NCALD: variants seen among roughly 807,000 people sequenced by gnomAD.
The protein encoded by NCALD is neurocalcin-delta.
In NCALD, 10 loss-of-function variants were observed where a neutral mutation model predicts 18.6. The observed-to-expected ratio is 0.54, with a 90% CI of 0.33 to 0.91. The LOEUF (loss-of-function observed/expected upper bound fraction) is 0.91, where lower values mean the gene tolerates loss of function less well. NCALD is among the 40% of genes least tolerant of loss of function. The pLI is 0.03. For synonymous variants in NCALD, 88 were observed against 87.4 expected (o/e 1.01, Z -0.04); for missense variants, 184 against 247.6 (o/e 0.74, Z 1.72).
chr8:102,014,979 C>T (rs1822031616), intron 2 of NCALD, among the ~76,000 whole-genome samples: 1 of 152,190 alleles, frequency 6.6e-6, no homozygotes, highest in Non-Finnish European at 1.5e-5. Flanking sequence ...GCCCCTGGAC[C>T]ACCCTTTGAA....
chr8:101,949,259 G>A (rs1242828218), intron 2 of NCALD, among the ~76,000 whole-genome samples: 2 of 152,056 alleles, frequency 1.3e-5, no homozygotes, highest in South Asian at 2.1e-4. Context: ...AAGAGATCAA[G>A]AAAACTACCC....
At chr8:102,072,983 T>C (rs1340407940) in intron 1 of NCALD, among the ~76,000 whole-genome samples, 1 of 152,190 alleles carries the variant, frequency 6.6e-6, no homozygotes, top group Non-Finnish European at 1.5e-5. Flanking sequence ...CTTCTAGGAA[T>C]TTATCCTAGG....
intron 2 of NCALD, among the ~76,000 whole-genome samples, chr8:101,976,858 C>T (rs183358514): frequency 1.4e-3 from 214 of 152,150 alleles, no homozygotes; most frequent in Admixed American, 4.5e-3. Flanking sequence ...TAAATTACTA[C>T]TGTGGTAAGT....
chr8:101,691,255 C>G lies in NCALD; in HGVS notation c.484+1536G>C, dbSNP rs561509516. On this transcript the variant is annotated intron_variant, in intron 3 of 3. Coordinates refer to ENST00000220931, the MANE Select transcript of NCALD (RefSeq NM_032041.3). ...TCCTTCCTTCTACAGCTCCCACCCCCCTCTCCCAACCCTAACCTTTGAAAA... is the reference window on the plus strand; with the variant it reads ...TCCTTCCTTCTACAGCTCCCACCCCGCTCTCCCAACCCTAACCTTTGAAAA... The G allele has an allele frequency of 6.0e-4, 592 of 985,318 alleles. 4 individuals carry two copies. In the African/African-American group the frequency reaches 9.6e-3, roughly 16 times the overall value. 61.0% of individuals were successfully genotyped at this position (985,318 alleles called of 1,614,324 possible). A position where few individuals can be genotyped will look rare whatever the true frequency, so the allele number is the denominator to read the frequency against.
At chr8:102,024,414 T>G (rs932409810) in intron 1 of NCALD, among the ~76,000 whole-genome samples, 1 of 152,232 alleles carries the variant, frequency 6.6e-6, no homozygotes, top group Non-Finnish European at 1.5e-5. Flanking sequence ...CCAGGAAACA[T>G]GAACTAATCA....
At chr8:102,007,888 C>T (rs1821767118) in intron 2 of NCALD, among the ~76,000 whole-genome samples, 3 of 152,170 alleles carry the variant, frequency 2.0e-5, no homozygotes. Context: ...TTTCTGAGTA[C>T]ACTTTGAGCT....
chr8:101,968,668 T>G (rs144881688), intron 2 of NCALD, among the ~76,000 whole-genome samples: 153 of 152,254 alleles, frequency 1.0e-3, no homozygotes, highest in African/African-American at 3.4e-3. Flanking sequence ...TGTAGTTTCT[T>G]TCCCTACTTC....
At chr8:101,770,312 G>C (rs1111932) in intron 1 of NCALD, among the ~76,000 whole-genome samples, 8,178 of 152,192 alleles carry the variant, frequency 0.054, 414 homozygotes, top group East Asian at 0.12. Flanking sequence ...GCTCCAAGCA[G>C]CTGCATATGC....
At chr8:102,041,195 T>C (rs1479245494) in intron 1 of NCALD, among the ~76,000 whole-genome samples, 1 of 152,234 alleles carries the variant, frequency 6.6e-6, no homozygotes, top group African/African-American at 2.4e-5. Flanking sequence ...TTGCAGCCTT[T>C]GTGCCACATA....
intron 4 of NCALD, among the ~76,000 whole-genome samples, chr8:101,797,023 A>T (rs760718819): frequency 3.3e-5 from 5 of 152,216 alleles, no homozygotes; most frequent in South Asian, 4.1e-4. Flanking sequence ...ACTTTGAGTT[A>T]TCCCCGCCTT....
chr8:102,123,879 C>G (rs1826024744), intron 1 of NCALD: 1 of 152,620 alleles, frequency 6.6e-6, no homozygotes, highest in Non-Finnish European at 1.5e-5. Flanking sequence ...GCCAGGCTCA[C>G]CAACGCCCCC....
chr8:102,075,184 A>C (rs572954365), intron 1 of NCALD, among the ~76,000 whole-genome samples: 1 of 152,338 alleles, frequency 6.6e-6, no homozygotes, highest in East Asian at 1.9e-4. Context: ...AAAGAAAGAG[A>C]ACATATAACA....
intron 1 of NCALD, among the ~76,000 whole-genome samples, chr8:102,038,435 A>C (rs1226218738): frequency 1.3e-5 from 2 of 152,170 alleles, no homozygotes; most frequent in Admixed American, 1.3e-4. Context: ...AAACACAGCG[A>C]ACCTGTAAGC....
intron 1 of NCALD, among the ~76,000 whole-genome samples, chr8:101,752,782 G>A (rs1216625774): frequency 6.6e-6 from 1 of 152,146 alleles, no homozygotes; most frequent in East Asian, 1.9e-4. Flanking sequence ...AATATAATGT[G>A]AGCTACAAAT....
At chr8:102,067,540 C>A (rs1421646674) in intron 1 of NCALD, among the ~76,000 whole-genome samples, 2 of 152,158 alleles carry the variant, frequency 1.3e-5, no homozygotes, top group East Asian at 3.8e-4. Flanking sequence ...TCTAGTAAAG[C>A]ACCAGTAGGC....
At chr8:101,860,841 G>C (rs1177433121) in intron 4 of NCALD, among the ~76,000 whole-genome samples, 1 of 152,088 alleles carries the variant, frequency 6.6e-6, no homozygotes, top group Non-Finnish European at 1.5e-5. Flanking sequence ...AGTATATGCA[G>C]ACTGTTTAGA....
intron 1 of NCALD, among the ~76,000 whole-genome samples, chr8:102,104,680 G>A (rs1222719681): frequency 6.6e-6 from 1 of 152,164 alleles, no homozygotes; most frequent in Non-Finnish European, 1.5e-5. Flanking sequence ...GATGTGGGTT[G>A]TTTTTGCATG....
intron 1 of NCALD, among the ~76,000 whole-genome samples, chr8:102,100,559 G>C (rs970891290): frequency 6.6e-6 from 1 of 152,060 alleles, no homozygotes; most frequent in Non-Finnish European, 1.5e-5. Context: ...TGAGAAAATC[G>C]TCAAGAAACA....
At chr8:101,761,662 A>G (rs774583823) in intron 1 of NCALD, among the ~76,000 whole-genome samples, 21 of 152,174 alleles carry the variant, frequency 1.4e-4, no homozygotes, top group Non-Finnish European at 2.9e-4. Context: ...ATTTACAGAT[A>G]TGGCTAATCA....
Sources: allele counts gnomAD v4.1 joint callset (sites outside exome capture counted in the v4.1 genomes callset), GRCh38; gene constraint gnomAD v4.1.1; transcripts MANE v1.5; gene names NCBI Gene and HGNC (gene_info 2026-07-23, HGNC 2026-07-21).